The following EPHA6 variants were observed in gnomAD, a reference collection of about 807,000 sequenced individuals.
EPHA6 encodes ephrin type-A receptor 6.
A neutral mutation model predicts 112.0 loss-of-function variants in EPHA6; 50 were observed. The observed-to-expected ratio is 0.45, with a 90% CI of 0.36 to 0.56. EPHA6 has a LOEUF of 0.56. Ranked by LOEUF, EPHA6 falls within the 20% of genes least tolerant of loss-of-function variation. The probability of loss-of-function intolerance (pLI) is 0.00; values close to 1 mark genes in which losing one functional copy is unlikely to be tolerated. For missense variants in EPHA6, 1,280 were observed against 1,417.4 expected (o/e 0.90, Z 1.56); for synonymous variants, 529 against 490.7 (o/e 1.08, Z -1.03).
chr3:97,622,302 TGAG>T (rs1327648736), intron 13 of EPHA6, among the ~76,000 whole-genome samples: 1 of 151,832 alleles, frequency 6.6e-6, no homozygotes, highest in African/African-American at 2.4e-5. Context: ...TCTGTCTCTA[TGAG>T]TTTGACTACT....
rs1193153661 is a variant in EPHA6, at chr3:97,760,387, T to A, written c.*11686T>A. 1 of 161,822 alleles carries A rather than the reference T, an allele frequency of 6.2e-6. No individual in the cohort carries two copies. Among genetic ancestry groups the A allele is most frequent in the Non-Finnish European group, 1.3e-5 (1 of 74,798 alleles). The allele number at this position is 161,822 out of a possible 1,614,324, so 10.0% of individuals were successfully genotyped here. On this transcript the variant is annotated 3_prime_UTR_variant, in exon 18 of 18. Coordinates refer to ENST00000389672, the MANE Select transcript of EPHA6 (RefSeq NM_001080448.3). ...TATATATACCATATGTATATATACATATGTATGTGTGTATGTGTGTATATA... is the reference window on the plus strand; with the variant it reads ...TATATATACCATATGTATATATACAAATGTATGTGTGTATGTGTGTATATA...
intron 6 of EPHA6, among the ~76,000 whole-genome samples, chr3:97,422,929 A>G (rs2088796236): frequency 6.6e-6 from 1 of 152,214 alleles, no homozygotes; most frequent in African/African-American, 2.4e-5. Context: ...TAGGTGCAGA[A>G]AAGGCTTTCA....
At chr3:97,070,013 T>C (rs2046304157) in intron 3 of EPHA6, among the ~76,000 whole-genome samples, 1 of 152,118 alleles carries the variant, frequency 6.6e-6, no homozygotes, top group African/African-American at 2.4e-5. Flanking sequence ...CCTGGGAAGC[T>C]CTGCCATAGA....
intron 3 of EPHA6, among the ~76,000 whole-genome samples, chr3:97,102,474 A>G (rs765730202): frequency 6.6e-6 from 1 of 152,086 alleles, no homozygotes; most frequent in Non-Finnish European, 1.5e-5. Context: ...CTAAGGCCCA[A>G]TATATTGTAA....
chr3:97,405,067 T>C, intron 5 of EPHA6, 83 bp from the exon 6 acceptor site: 3 of 1,457,862 alleles, frequency 2.1e-6, no homozygotes, highest in South Asian at 2.7e-5. Flanking sequence ...AATTTTATTT[T>C]CCTTGGAAGA....
chr3:97,508,710 C>T (rs2092304549), intron 10 of EPHA6, among the ~76,000 whole-genome samples: 1 of 152,020 alleles, frequency 6.6e-6, no homozygotes, highest in Non-Finnish European at 1.5e-5. Flanking sequence ...CCTGAATATC[C>T]TTGTTAATTT....
At chr3:97,115,484 T>A (rs1328240883) in intron 3 of EPHA6, among the ~76,000 whole-genome samples, 1 of 151,826 alleles carries the variant, frequency 6.6e-6, no homozygotes, top group African/African-American at 2.4e-5. Context: ...TAATTTACTT[T>A]AAAAATATTG....
intron 5 of EPHA6, among the ~76,000 whole-genome samples, chr3:97,395,581 GA>G (rs1400178810): frequency 6.6e-6 from 1 of 151,592 alleles, no homozygotes; most frequent in Non-Finnish European, 1.5e-5. Context: ...AAAGAGAAAG[GA>G]AAAAATTATA....
chr3:97,493,330 C>T (rs2091899407), intron 10 of EPHA6, among the ~76,000 whole-genome samples: 1 of 151,868 alleles, frequency 6.6e-6, no homozygotes, highest in Non-Finnish European at 1.5e-5. Flanking sequence ...GCTTAAAAGG[C>T]ACAAATTTAT....
intron 5 of EPHA6, among the ~76,000 whole-genome samples, chr3:97,306,840 T>A (rs183634020): frequency 4.5e-3 from 685 of 150,846 alleles, no homozygotes; most frequent in Non-Finnish European, 7.2e-3. Flanking sequence ...GTAAAAAAAA[T>A]TTTTTTTGAA....
At chr3:96,977,186 C>T (rs1427680789) in intron 2 of EPHA6, among the ~76,000 whole-genome samples, 1 of 152,098 alleles carries the variant, frequency 6.6e-6, no homozygotes, top group Non-Finnish European at 1.5e-5. Flanking sequence ...ACAAAGTAGA[C>T]TGGTACTGTA....
At chr3:97,303,805 T>C (rs1392007799) in intron 5 of EPHA6, among the ~76,000 whole-genome samples, 2 of 151,992 alleles carry the variant, frequency 1.3e-5, no homozygotes, top group East Asian at 3.9e-4. Flanking sequence ...AAATTACAAA[T>C]AAATCAAGGT....
At chr3:97,107,589 T>C (rs1388639212) in intron 3 of EPHA6, among the ~76,000 whole-genome samples, 1 of 152,172 alleles carries the variant, frequency 6.6e-6, no homozygotes, top group East Asian at 1.9e-4. Context: ...AACTAAGTTA[T>C]TTCTAACTTC....
chr3:97,701,275 G>A (rs2033372362), intron 14 of EPHA6, among the ~76,000 whole-genome samples: 1 of 152,134 alleles, frequency 6.6e-6, no homozygotes, highest in South Asian at 2.1e-4. Context: ...TGGTGATTCA[G>A]TGTTAAGTCT....
At chr3:96,886,699 G>C (rs546870565) in intron 2 of EPHA6, among the ~76,000 whole-genome samples, 12 of 152,224 alleles carry the variant, frequency 7.9e-5, no homozygotes, top group African/African-American at 2.9e-4. Context: ...GAGATGTGAG[G>C]ATCCATTGCA....
intron 3 of EPHA6, among the ~76,000 whole-genome samples, chr3:97,202,450 G>A (rs1487925149): frequency 6.6e-6 from 1 of 151,538 alleles, no homozygotes; most frequent in Non-Finnish European, 1.5e-5. Context: ...CTGGACTCAA[G>A]TCTCCATGGT....
At chr3:97,463,621 G>T (rs1469748223) in intron 7 of EPHA6, among the ~76,000 whole-genome samples, 2 of 152,058 alleles carry the variant, frequency 1.3e-5, no homozygotes, top group Non-Finnish European at 2.9e-5. Flanking sequence ...GCCTCAAGCA[G>T]CTTTTTCAAC....
intron 11 of EPHA6, among the ~76,000 whole-genome samples, chr3:97,587,659 T>G (rs1424407910): frequency 6.6e-6 from 1 of 152,194 alleles, no homozygotes; most frequent in Non-Finnish European, 1.5e-5. Flanking sequence ...GTGCTCCTGG[T>G]GGTTTTTTGT....
intron 14 of EPHA6, among the ~76,000 whole-genome samples, chr3:97,710,211 C>T (rs2033895678): frequency 6.6e-6 from 1 of 152,180 alleles, no homozygotes; most frequent in African/African-American, 2.4e-5. Context: ...GATGACTGTG[C>T]CCTCTTTCCT....
Sources: allele counts gnomAD v4.1 joint callset (sites outside exome capture counted in the v4.1 genomes callset), GRCh38; gene constraint gnomAD v4.1.1; transcripts MANE v1.5; gene names NCBI Gene and HGNC (gene_info 2026-07-23, HGNC 2026-07-21).